The following DLGAP2 variants were observed in gnomAD, a reference collection of about 807,000 sequenced individuals.
DLGAP2 encodes DLG associated protein 2.
Under a neutral mutation model 100.3 loss-of-function variants are expected in DLGAP2, and 26 were observed. The ratio of observed to expected loss-of-function variants is 0.26; its 90% CI spans 0.19 to 0.36. The LOEUF (loss-of-function observed/expected upper bound fraction) is 0.36, where lower values mean the gene tolerates loss of function less well. Ranked by LOEUF, DLGAP2 falls within the 10% of genes least tolerant of loss-of-function variation. The pLI, the probability that DLGAP2 is intolerant of heterozygous loss-of-function variation, is 1.00. For synonymous variants in DLGAP2, 886 were observed against 630.1 expected, an observed-to-expected ratio of 1.41 and a Z score of -6.08; for missense variants, 1,858 against 1,453.2, an observed-to-expected ratio of 1.28 and a Z score of -4.53.
intron 2 of DLGAP2, among the ~76,000 whole-genome samples, chr8:1,163,822 C>T (rs980794184): frequency 6.6e-6 from 1 of 152,176 alleles, no homozygotes; most frequent in Non-Finnish European, 1.5e-5. Flanking sequence ...GCGGGGTGTG[C>T]TTGGGTACGG....
intron 2 of DLGAP2, among the ~76,000 whole-genome samples, chr8:1,163,596 G>A (rs748544530): frequency 7.9e-5 from 12 of 152,264 alleles, no homozygotes; most frequent in Non-Finnish European, 1.0e-4. Context: ...CCAAGAACGC[G>A]GTTGTGTAAC....
intron 4 of DLGAP2, among the ~76,000 whole-genome samples, chr8:1,519,382 T>G (rs1168580879): frequency 1.3e-5 from 2 of 152,204 alleles, no homozygotes; most frequent in African/African-American, 4.8e-5. Context: ...TGCCCGAAAT[T>G]CAGTGTTTTG....
chr8:965,435 G>A lies in DLGAP2; in HGVS notation c.73+57469G>A, dbSNP rs61353771. Among the ~76,000 whole-genome samples, 13 of 52,366 alleles carry A rather than the reference G, an allele frequency of 2.5e-4. 1 individual carries two copies. The highest frequency in any genetic ancestry group is 3.2e-4 in the Non-Finnish European group (9 of 28,234). 34.4% of individuals were successfully genotyped at this position (52,366 alleles called of 152,430 possible). ...AGCCCGACCCCCGCATGCACACAGC[G>A]CTGTTCACCACACAGGGCTCCTGAG... is the stretch of plus-strand genomic sequence containing the variant. On this transcript the variant is annotated intron_variant, in intron 2 of 14. Transcript: ENST00000637795.
chr8:985,261 C>T (rs969012953), intron 2 of DLGAP2, among the ~76,000 whole-genome samples: 2 of 152,180 alleles, frequency 1.3e-5, no homozygotes, highest in South Asian at 2.1e-4. Context: ...ACCCACTGTC[C>T]GTAGATGTGT....
intron 3 of DLGAP2, among the ~76,000 whole-genome samples, chr8:1,387,447 C>CATTA (rs1157776810): frequency 6.6e-6 from 1 of 152,134 alleles, no homozygotes; most frequent in Non-Finnish European, 1.5e-5. Flanking sequence ...CACATCACAG[C>CATTA]ATTAAGATTG....
At chr8:923,921 G>C (rs1423859339) in intron 2 of DLGAP2, among the ~76,000 whole-genome samples, 1 of 152,212 alleles carries the variant, frequency 6.6e-6, no homozygotes, top group Non-Finnish European at 1.5e-5. Context: ...TGATTTCAGG[G>C]TCAGCTCAAA....
intron 8 of DLGAP2, among the ~76,000 whole-genome samples, chr8:1,634,502 G>A (rs527749253): frequency 5.9e-5 from 9 of 152,144 alleles, no homozygotes; most frequent in African/African-American, 9.7e-5. Flanking sequence ...TGGTTTGGCC[G>A]GTTCTGCTCA....
chr8:1,430,107 G>A lies in DLGAP2; in HGVS notation c.107-71259G>A, dbSNP rs149844145. 2.8e-4 allele frequency among the ~76,000 whole-genome samples: 41 copies of A among 145,036 alleles called. 1 individual carries two copies. Among genetic ancestry groups the A allele is most frequent in the African/African-American group, 9.9e-4 (39 of 39,468 alleles). On this transcript the variant is annotated intron_variant, in intron 3 of 14. Transcript: ENST00000637795. Reference sequence around the variant, plus strand: ...CTGTGTGGTAAAATAAACCACTGCCGCAGCATTTTGCCTTTTAGGATAATT... The same window carrying A: ...CTGTGTGGTAAAATAAACCACTGCCACAGCATTTTGCCTTTTAGGATAATT...
intron 3 of DLGAP2, among the ~76,000 whole-genome samples, chr8:1,260,989 C>G (rs1461621523): frequency 6.6e-6 from 1 of 152,222 alleles, no homozygotes; most frequent in Admixed American, 6.5e-5. Flanking sequence ...CACATACTGT[C>G]GGCTCCCAGC....
intron 1 of DLGAP2, among the ~76,000 whole-genome samples, chr8:758,635 C>T (rs1169149156): frequency 6.6e-6 from 1 of 152,084 alleles, no homozygotes; most frequent in Non-Finnish European, 1.5e-5. Flanking sequence ...AGTCATGACT[C>T]ACTGCAGCTT....
At chr8:1,433,903 G>C (rs565260145) in intron 3 of DLGAP2, among the ~76,000 whole-genome samples, 2 of 152,096 alleles carry the variant, frequency 1.3e-5, no homozygotes, top group South Asian at 4.2e-4. Flanking sequence ...ATGGTCCCTG[G>C]GGTCCTTACA....
At chr8:1,124,606 A>G (rs1796124116) in intron 2 of DLGAP2, among the ~76,000 whole-genome samples, 1 of 152,216 alleles carries the variant, frequency 6.6e-6, no homozygotes. Context: ...GTGTTCCTGC[A>G]CTAAGCTGCT....
chr8:1,205,637 G>C (rs7463994), intron 2 of DLGAP2, among the ~76,000 whole-genome samples: 86,050 of 152,044 alleles, frequency 0.57, 26,725 homozygotes, highest in African/African-American at 0.83. Flanking sequence ...CCTCTGCTCA[G>C]CTCGCCTCGG....
intron 1 of DLGAP2, among the ~76,000 whole-genome samples, chr8:795,228 GTCAA>G (rs944831334): frequency 2.5e-4 from 38 of 152,196 alleles, no homozygotes; most frequent in African/African-American, 8.7e-4. Context: ...GGGCAATTTT[GTCAA>G]TCAATCAGTG....
intron 2 of DLGAP2, among the ~76,000 whole-genome samples, chr8:1,042,700 T>C (rs1469465829): frequency 6.6e-6 from 1 of 151,298 alleles, no homozygotes; most frequent in South Asian, 2.1e-4. Flanking sequence ...GGGTGTTGGA[T>C]GTCGGTGGTG....
chr8:1,520,400 G>C (rs769633579), intron 4 of DLGAP2, among the ~76,000 whole-genome samples: 1 of 152,198 alleles, frequency 6.6e-6, no homozygotes, highest in Non-Finnish European at 1.5e-5. Flanking sequence ...TGGTGCATCT[G>C]TCACAATTGA....
chr8:1,478,965 A>G (rs1352118948), intron 3 of DLGAP2, among the ~76,000 whole-genome samples: 1 of 152,260 alleles, frequency 6.6e-6, no homozygotes, highest in East Asian at 1.9e-4. Context: ...GCCACATGCA[A>G]CTTACAGAAA....
intron 1 of DLGAP2, among the ~76,000 whole-genome samples, chr8:782,939 G>A (rs545831331): frequency 3.9e-4 from 59 of 152,348 alleles, no homozygotes; most frequent in Middle Eastern, 3.4e-3. Context: ...GTGCGTGGCT[G>A]TGCTGACTGA....
intron 3 of DLGAP2, among the ~76,000 whole-genome samples, chr8:1,329,704 G>T (rs902683198): frequency 3.3e-5 from 5 of 152,272 alleles, no homozygotes; most frequent in Middle Eastern, 3.4e-3. Context: ...TGAGCCGTGC[G>T]TGAGGTCACC....
Sources: gnomAD v4.1 joint callset for allele counts (sites outside exome capture counted in the v4.1 genomes callset) on GRCh38, gnomAD v4.1.1 for gene constraint, MANE v1.5 for transcripts, NCBI Gene and HGNC (gene_info 2026-07-23, HGNC 2026-07-21) for gene names.